Variants in NCAM2 observed in about 807,000 individuals in gnomAD.
NCAM2 encodes the protein N-CAM-2.
In NCAM2, 30 loss-of-function variants were observed where a neutral mutation model predicts 98.1. The ratio of observed to expected loss-of-function variants is 0.31; its 90% CI spans 0.23 to 0.41. NCAM2 has a LOEUF of 0.41. Among genes scored for constraint, NCAM2 ranks in the 10% least tolerant of loss-of-function variants. The pLI is 1.00. For synonymous variants in NCAM2, 368 were observed against 342.4 expected (o/e 1.07, Z -0.83); for missense variants, 867 against 1,005.8 (o/e 0.86, Z 1.87).
At chr21:21,296,411 C>G (rs2073480584) in intron 5 of NCAM2, among the ~76,000 whole-genome samples, 1 of 148,462 alleles carries the variant, frequency 6.7e-6, no homozygotes, top group South Asian at 2.2e-4. Context: ...GTAAAACAAA[C>G]AAGAGCATAA....
chr21:21,517,134 A>G (rs1602542494), intron 16 of NCAM2, among the ~76,000 whole-genome samples: 1 of 152,168 alleles, frequency 6.6e-6, no homozygotes, highest in South Asian at 2.1e-4. Flanking sequence ...ATCTCTGTCA[A>G]TGGAATAAGT....
chr21:21,032,856 A>C (rs1433142125), intron 1 of NCAM2, among the ~76,000 whole-genome samples: 1 of 152,074 alleles, frequency 6.6e-6, no homozygotes, highest in East Asian at 1.9e-4. Flanking sequence ...TGTATTTAAA[A>C]CTTTGTCTAC....
chr21:21,400,937 G>A (rs551000719), intron 9 of NCAM2, among the ~76,000 whole-genome samples: 40 of 151,998 alleles, frequency 2.6e-4, no homozygotes, highest in Non-Finnish European at 4.1e-4. Flanking sequence ...TTGTCCCAGG[G>A]TAATTTTAAA....
intron 5 of NCAM2, among the ~76,000 whole-genome samples, chr21:21,321,703 C>T (rs570416713): frequency 6.6e-5 from 10 of 152,192 alleles, no homozygotes; most frequent in African/African-American, 2.4e-4. Context: ...TGTCAAAGTT[C>T]AGATGGATAT....
At chr21:21,105,547 C>A (rs1395960810) in intron 1 of NCAM2, among the ~76,000 whole-genome samples, 4 of 151,852 alleles carry the variant, frequency 2.6e-5, no homozygotes, top group African/African-American at 9.7e-5. Flanking sequence ...AAGAAAAATA[C>A]AAGGCAAGTA....
At chr21:21,527,410 T>C (rs899165575) in intron 16 of NCAM2, among the ~76,000 whole-genome samples, 1 of 152,068 alleles carries the variant, frequency 6.6e-6, no homozygotes, top group African/African-American at 2.4e-5. Context: ...GTTAAGTGAA[T>C]GAAAAGACGA....
intron 1 of NCAM2, among the ~76,000 whole-genome samples, chr21:21,253,137 T>C (rs2032300): frequency 0.99 from 150,960 of 152,306 alleles, 74,829 homozygotes; most frequent in Non-Finnish European, 1. Flanking sequence ...ATTACTGTTA[T>C]CCTTCTTTTT....
chr21:21,474,649 A>G (rs950802567), intron 14 of NCAM2, among the ~76,000 whole-genome samples: 1 of 152,066 alleles, frequency 6.6e-6, no homozygotes. Context: ...TCATCGTTAC[A>G]TAGAAAGTAC....
intron 9 of NCAM2, among the ~76,000 whole-genome samples, chr21:21,381,435 C>T (rs1326864669): frequency 1.3e-5 from 2 of 151,612 alleles, no homozygotes; most frequent in African/African-American, 4.8e-5. Context: ...TTTCTGCCTT[C>T]TATTGAGTTA....
chr21:21,235,936 A>G (rs1601723985), intron 1 of NCAM2, among the ~76,000 whole-genome samples: 1 of 152,104 alleles, frequency 6.6e-6, no homozygotes, highest in Admixed American at 6.6e-5. Flanking sequence ...ATTACATTTC[A>G]TAACCAATTA....
chr21:21,240,558 C>A (rs182187057), intron 1 of NCAM2, among the ~76,000 whole-genome samples: 6 of 152,224 alleles, frequency 3.9e-5, no homozygotes, highest in African/African-American at 1.4e-4. Flanking sequence ...GTTCTGACTC[C>A]GTCATTAATT....
At chr21:21,022,875 A>G (rs1013125269) in intron 1 of NCAM2, among the ~76,000 whole-genome samples, 3 of 152,166 alleles carry the variant, frequency 2.0e-5, no homozygotes, top group Non-Finnish European at 4.4e-5. Context: ...TAATTAAATA[A>G]CAAAAGCAGC....
chr21:21,317,124 C>T (rs1056535445), intron 5 of NCAM2, among the ~76,000 whole-genome samples: 3 of 152,184 alleles, frequency 2.0e-5, no homozygotes, highest in Non-Finnish European at 2.9e-5. Context: ...AGAGACGCTG[C>T]TGTACTGCTG....
At chr21:21,258,941 C>T (rs1342776749) in intron 1 of NCAM2, among the ~76,000 whole-genome samples, 5 of 152,104 alleles carry the variant, frequency 3.3e-5, no homozygotes, top group African/African-American at 9.7e-5. Flanking sequence ...AAAGGAAACA[C>T]GGACGTGGCA....
intron 1 of NCAM2, among the ~76,000 whole-genome samples, chr21:21,145,308 C>T (rs1254812624): frequency 6.6e-6 from 1 of 152,098 alleles, no homozygotes; most frequent in African/African-American, 2.4e-5. Context: ...TGCTTACTTG[C>T]TTTTGATTAT....
intron 12 of NCAM2, among the ~76,000 whole-genome samples, chr21:21,459,929 T>A (rs1167283717): frequency 6.6e-6 from 1 of 152,014 alleles, no homozygotes; most frequent in Non-Finnish European, 1.5e-5. Flanking sequence ...AGGCTACATA[T>A]TAAGTGTACA....
chr21:21,044,823 G>A (rs947382904), intron 1 of NCAM2, among the ~76,000 whole-genome samples: 2 of 151,976 alleles, frequency 1.3e-5, no homozygotes, highest in African/African-American at 2.4e-5. Flanking sequence ...AAATTTGTTG[G>A]GCATGGTGGC....
intron 8 of NCAM2, among the ~76,000 whole-genome samples, chr21:21,366,898 C>T (rs1348200876): frequency 6.6e-6 from 1 of 151,830 alleles, no homozygotes; most frequent in African/African-American, 2.4e-5. Flanking sequence ...TTTAAATTTT[C>T]GATTTTAAAA....
At chr21:21,068,575 T>C (rs1036438093) in intron 1 of NCAM2, among the ~76,000 whole-genome samples, 6 of 150,912 alleles carry the variant, frequency 4.0e-5, no homozygotes, top group Non-Finnish European at 7.4e-5. Context: ...TTCTTCTGCC[T>C]CAGCCTCCTG....
Sources: gnomAD v4.1 joint callset for allele counts (sites outside exome capture counted in the v4.1 genomes callset) on GRCh38, gnomAD v4.1.1 for gene constraint, MANE v1.5 for transcripts, NCBI Gene and HGNC (gene_info 2026-07-23, HGNC 2026-07-21) for gene names.